The following OSBPL10 variants were observed in gnomAD, a reference collection of about 807,000 sequenced individuals.
The protein encoded by OSBPL10 is oxysterol-binding protein-related protein 10.
A neutral mutation model predicts 81.7 loss-of-function variants in OSBPL10; 49 were observed. The observed-to-expected ratio is 0.60, with a 90% CI of 0.48 to 0.76. The LOEUF (loss-of-function observed/expected upper bound fraction) is 0.76. Among genes scored for constraint, OSBPL10 ranks in the 30% least tolerant of loss-of-function variants. The probability of loss-of-function intolerance (pLI) is 0.00; values close to 1 mark genes in which losing one functional copy is unlikely to be tolerated. For missense variants in OSBPL10, 923 were observed against 987.8 expected (o/e 0.93, Z 0.88); for synonymous variants, 419 against 383.6 (o/e 1.09, Z -1.08).
chr3:31,949,419 A>G (rs1040394368), intron 1 of OSBPL10, among the ~76,000 whole-genome samples: 3 of 152,074 alleles, frequency 2.0e-5, no homozygotes, highest in African/African-American at 7.2e-5. Context: ...CTGTAATCCC[A>G]GCACTTTGGG....
intron 1 of OSBPL10, among the ~76,000 whole-genome samples, chr3:31,969,934 G>C (rs961925216): frequency 6.6e-6 from 1 of 151,906 alleles, no homozygotes; most frequent in African/African-American, 2.4e-5. Context: ...ATGCGGGGGT[G>C]GGGGGCGCGG....
intron 3 of OSBPL10, among the ~76,000 whole-genome samples, chr3:31,833,448 T>TAGCA (rs1700292427): frequency 6.6e-6 from 1 of 152,172 alleles, no homozygotes; most frequent in Admixed American, 6.5e-5. Flanking sequence ...ATACAATACT[T>TAGCA]AGCACAGTGC....
intron 3 of OSBPL10, among the ~76,000 whole-genome samples, chr3:31,860,451 T>C (rs1309547943): frequency 6.6e-6 from 1 of 152,108 alleles, no homozygotes; most frequent in Non-Finnish European, 1.5e-5. Flanking sequence ...GGGAGAAGAA[T>C]GAGGGGCTCC....
Position 31,879,884 on chromosome 3 carries a change from G to A in OSBPL10, c.282-54C>T, listed in dbSNP as rs535478138. 3.5e-5 allele frequency: 54 copies of A among 1,526,332 alleles called. No homozygotes were observed. The East Asian group carries it at 1.2e-3, about 35-fold the overall frequency. The allele number at this position is 1,526,332 out of a possible 1,614,324, so 94.5% of individuals were successfully genotyped here. A position where few individuals can be genotyped will look rare whatever the true frequency, so the allele number is the denominator to read the frequency against. ...TTTCTCTCCTACCCTATTCTGCACA[G>A]CAAAGCAGAAAAAAGCAAAGTGATC... On this transcript the variant is annotated intron_variant, in intron 1 of 11. Coordinates refer to ENST00000396556, the MANE Select transcript of OSBPL10 (RefSeq NM_017784.5).
At chr3:31,745,022 G>A (rs893618381) in intron 5 of OSBPL10, among the ~76,000 whole-genome samples, 10 of 152,300 alleles carry the variant, frequency 6.6e-5, no homozygotes, top group African/African-American at 2.2e-4. Flanking sequence ...GAGGGTCACT[G>A]AGGCTCATTC....
intron 3 of OSBPL10, among the ~76,000 whole-genome samples, chr3:31,838,883 G>A (rs939274345): frequency 6.6e-6 from 1 of 152,082 alleles, no homozygotes; most frequent in African/African-American, 2.4e-5. Context: ...AATGTTTGAT[G>A]GGCAGTATGT....
intron 1 of OSBPL10, among the ~76,000 whole-genome samples, chr3:31,945,050 C>T (rs1452051856): frequency 6.7e-6 from 1 of 150,004 alleles, no homozygotes; most frequent in Admixed American, 6.7e-5. Flanking sequence ...ACTCGGGAGG[C>T]CACGGCAGGA....
rs140531075 is a variant in OSBPL10 at position 31,708,425 on chromosome 3, T to C, written c.1096-5917A>G. Among the ~76,000 whole-genome samples the C allele has an allele frequency of 2.3e-3, 357 of 152,248 alleles. 5 individuals carry two copies. Among genetic ancestry groups the C allele is most frequent in the East Asian group, 5.0e-3 (26 of 5,176 alleles). On this transcript the variant is annotated intron_variant, in intron 6 of 11. Transcript: ENST00000396556. The stretch of plus-strand genomic sequence containing the variant: ...CAGTGACATTTCTTAAGAAGCCCCA[T>C]CTAACAGGCAAAGGTCATGAAAACT...
At chr3:31,879,449 C>CCCCAT (rs1381180685) in intron 2 of OSBPL10, 3 of 550,442 alleles carry the variant, frequency 5.5e-6, no homozygotes, top group Non-Finnish European at 9.5e-6. Context: ...GTCCTTAATT[C>CCCCAT]CTCAGTTAAT....
At chr3:31,741,176 T>C (rs116622873) in intron 5 of OSBPL10, among the ~76,000 whole-genome samples, 137 of 152,328 alleles carry the variant, frequency 9.0e-4, no homozygotes, top group African/African-American at 3.2e-3. Context: ...TAGAATAAGA[T>C]TGAAATTCAC....
At chr3:31,846,346 G>T (rs758156177) in intron 3 of OSBPL10, among the ~76,000 whole-genome samples, 1 of 152,122 alleles carries the variant, frequency 6.6e-6, no homozygotes, top group Admixed American at 6.5e-5. Flanking sequence ...TACTGGGGCC[G>T]GGCGAGGTGA....
intron 8 of OSBPL10, among the ~76,000 whole-genome samples, chr3:31,679,868 TC>T (rs949438393): frequency 6.6e-6 from 1 of 152,062 alleles, no homozygotes; most frequent in Non-Finnish European, 1.5e-5. Context: ...TATTACAAAC[TC>T]AAGTATAAAA....
At chr3:32,075,899 C>A (rs1015955299) in intron 1 of OSBPL10, among the ~76,000 whole-genome samples, 1 of 152,176 alleles carries the variant, frequency 6.6e-6, no homozygotes, top group Non-Finnish European at 1.5e-5. Context: ...TGATGACATT[C>A]CACCATTGAG....
intron 3 of OSBPL10, among the ~76,000 whole-genome samples, chr3:31,855,476 T>C (rs1038243405): frequency 3.9e-5 from 6 of 152,180 alleles, no homozygotes; most frequent in Non-Finnish European, 7.3e-5. Flanking sequence ...CCTCCAGCCT[T>C]GTTTTACTTT....
chr3:31,936,588 C>T (rs1163778530), intron 1 of OSBPL10, among the ~76,000 whole-genome samples: 1 of 152,128 alleles, frequency 6.6e-6, no homozygotes, highest in Non-Finnish European at 1.5e-5. Context: ...CATTTCCAAA[C>T]ACCATCCATT....
intron 8 of OSBPL10, among the ~76,000 whole-genome samples, chr3:31,672,418 A>G (rs1371882137): frequency 1.9e-4 from 13 of 67,132 alleles, no homozygotes; most frequent in East Asian, 4.6e-4. Context: ...ACACACCAGG[A>G]GGATAGGGAG....
At chr3:32,060,101 T>C (rs1022148269) in intron 1 of OSBPL10, among the ~76,000 whole-genome samples, 1 of 150,510 alleles carries the variant, frequency 6.6e-6, no homozygotes, top group Non-Finnish European at 1.5e-5. Flanking sequence ...TATATATACT[T>C]ACGGTATATA....
intron 4 of OSBPL10, among the ~76,000 whole-genome samples, chr3:31,754,136 T>C (rs1040649129): frequency 7.0e-6 from 1 of 142,744 alleles, no homozygotes; most frequent in African/African-American, 2.4e-5. Context: ...CTACACCTCC[T>C]GGCACAACAT....
At chr3:31,728,563 C>T (rs565667944) in intron 6 of OSBPL10, among the ~76,000 whole-genome samples, 1 of 152,300 alleles carries the variant, frequency 6.6e-6, no homozygotes, top group East Asian at 1.9e-4. Context: ...ACATACTATT[C>T]AATGCAAAAG....
Sources: gnomAD v4.1 joint callset for allele counts (sites outside exome capture counted in the v4.1 genomes callset) on GRCh38, gnomAD v4.1.1 for gene constraint, MANE v1.5 for transcripts, NCBI Gene and HGNC (gene_info 2026-07-23, HGNC 2026-07-21) for gene names.